Variants in SLC4A10 observed in about 807,000 individuals in gnomAD.
SLC4A10 encodes sodium-driven chloride bicarbonate exchanger.
A neutral mutation model predicts 137.7 loss-of-function variants in SLC4A10; 42 were observed. That is an observed-to-expected ratio of 0.30 (90% CI 0.24 to 0.39). The LOEUF (loss-of-function observed/expected upper bound fraction) is 0.39, where lower values mean the gene tolerates loss of function less well. SLC4A10 is among the 10% of genes least tolerant of loss of function. The probability of loss-of-function intolerance (pLI) is 1.00; values close to 1 mark genes in which losing one functional copy is unlikely to be tolerated. For missense variants in SLC4A10, 925 were observed against 1,355.0 expected (o/e 0.68, Z 4.98); for synonymous variants, 474 against 464.1 (o/e 1.02, Z -0.27).
chr2:161,632,068 G>A (rs796863639), intron 1 of SLC4A10, among the ~76,000 whole-genome samples: 82 of 151,760 alleles, frequency 5.4e-4, no homozygotes, highest in African/African-American at 1.7e-3. Flanking sequence ...ACATTTATTT[G>A]TAACTCCACT....
At chr2:161,764,145 G>C (rs970914323) in intron 1 of SLC4A10, among the ~76,000 whole-genome samples, 1 of 152,076 alleles carries the variant, frequency 6.6e-6, no homozygotes, top group South Asian at 2.1e-4. Context: ...GAATTATGGC[G>C]CATCCATACC....
At chr2:161,628,958 G>T (rs1445039551) in intron 1 of SLC4A10, among the ~76,000 whole-genome samples, 1 of 151,986 alleles carries the variant, frequency 6.6e-6, no homozygotes, top group Non-Finnish European at 1.5e-5. Context: ...CAGTCAGAGA[G>T]CATGGTCAGA....
intron 3 of SLC4A10, among the ~76,000 whole-genome samples, chr2:161,818,292 G>A (rs543073762): frequency 1.3e-5 from 2 of 152,042 alleles, no homozygotes; most frequent in South Asian, 2.1e-4. Flanking sequence ...GTCTGTTATT[G>A]GTGTATAAGA....
At chr2:161,969,050 A>C (rs1338525521) in intron 23 of SLC4A10, among the ~76,000 whole-genome samples, 2 of 152,196 alleles carry the variant, frequency 1.3e-5, no homozygotes, top group Non-Finnish European at 2.9e-5. Context: ...TAATTGAGTA[A>C]CTTTGATCAT....
intron 3 of SLC4A10, among the ~76,000 whole-genome samples, chr2:161,819,775 T>C (rs1462073271): frequency 1.3e-5 from 2 of 152,202 alleles, no homozygotes; most frequent in Non-Finnish European, 2.9e-5. Context: ...ATTACAGGAA[T>C]GAGCCACCGC....
Position 161,804,514 on chromosome 2 carries a change from A to G in SLC4A10, c.196A>G (p.Arg66Gly). Residue 66 changes from arginine (R) to glycine (G), a missense_variant, in exon 3 of 27, where the codon AGG becomes GGG. Transcript: ENST00000446997. Reference protein sequence around the residue: ...LGGRKSHRRHRHRGHKHRKRD... With the variant: ...LGGRKSHRRHGHRGHKHRKRD... ...AGGAAGAAAAAGCCATCGACGTCAC[A>G]GGCATCGTGGTCATAAACACAGAAA... is the stretch of plus-strand genomic sequence containing the variant. 6.2e-7 allele frequency: 1 copy of G among 1,613,226 alleles called. No individual in the cohort carries two copies. The highest frequency in any genetic ancestry group is 8.5e-7 in the Non-Finnish European group (1 of 1,179,426).
chr2:161,979,351 T>C (rs1239589032), intron 26 of SLC4A10, among the ~76,000 whole-genome samples: 2 of 152,228 alleles, frequency 1.3e-5, no homozygotes, highest in African/African-American at 2.4e-5. Context: ...AACAATATAA[T>C]GTGCTTTAAA....
chr2:161,767,916 C>T (rs2051100574), intron 1 of SLC4A10, among the ~76,000 whole-genome samples: 1 of 151,988 alleles, frequency 6.6e-6, no homozygotes, highest in African/African-American at 2.4e-5. Flanking sequence ...AACAACCCTT[C>T]CAATCTTCCC....
chr2:161,702,242 T>G (rs1198270540), intron 1 of SLC4A10, among the ~76,000 whole-genome samples: 1 of 151,888 alleles, frequency 6.6e-6, no homozygotes, highest in Non-Finnish European at 1.5e-5. Context: ...AATCCTGTCA[T>G]TTGCAGCAAC....
chr2:161,960,488 G>A (rs1696491875), intron 21 of SLC4A10, among the ~76,000 whole-genome samples: 1 of 151,936 alleles, frequency 6.6e-6, no homozygotes, highest in Admixed American at 6.6e-5. Context: ...GCCAGACCAA[G>A]GCGGGTGGAT....
Position 161,721,934 on chromosome 2 carries a change from T to A in SLC4A10, c.49-49039T>A, listed in dbSNP as rs768683895. Among the ~76,000 whole-genome samples, 3 of 152,334 alleles carry A rather than the reference T, an allele frequency of 2.0e-5. No individual in the cohort carries two copies. The South Asian group carries it at 6.2e-4, about 32-fold the overall frequency. The stretch of plus-strand genomic sequence containing the variant: ...TGTCGCCTGTCTTACTTCAGCAAGA[T>A]AGTCTTCAAGCTCTGAGATTCTTTT... On this transcript the variant is annotated intron_variant, in intron 1 of 26. Transcript: ENST00000446997.
intron 15 of SLC4A10, among the ~76,000 whole-genome samples, chr2:161,920,743 C>T (rs1687979264): frequency 1.3e-5 from 2 of 152,136 alleles, no homozygotes; most frequent in South Asian, 4.1e-4. Context: ...AAAAGAGCAA[C>T]CTACAAAACT....
chr2:161,638,644 C>T (rs1386301228), intron 1 of SLC4A10, among the ~76,000 whole-genome samples: 1 of 151,896 alleles, frequency 6.6e-6, no homozygotes, highest in Admixed American at 6.6e-5. Context: ...AAGATTTTTT[C>T]TGTTTTTGTG....
At chr2:161,953,892 A>G (rs1695222279) in intron 19 of SLC4A10, among the ~76,000 whole-genome samples, 1 of 152,224 alleles carries the variant, frequency 6.6e-6, no homozygotes, top group Non-Finnish European at 1.5e-5. Context: ...AGAGAAGTGG[A>G]TTAGGCATAA....
At chr2:161,705,087 AAGTAAACTTTAATAT>A (rs1188296246) in intron 1 of SLC4A10, among the ~76,000 whole-genome samples, 1 of 151,664 alleles carries the variant, frequency 6.6e-6, no homozygotes, top group Admixed American at 6.6e-5. Context: ...TTTATGATAA[AAGTAAACTTTAATAT>A]AGAAAACTTG....
chr2:161,928,649 C>CAAA (rs34327479), intron 15 of SLC4A10, among the ~76,000 whole-genome samples: 11 of 99,316 alleles, frequency 1.1e-4, no homozygotes, highest in South Asian at 6.4e-4. Flanking sequence ...TCCTTGAAAG[C>CAAA]AAAAAAAAAA....
chr2:161,841,298 G>A (rs1174339217), intron 4 of SLC4A10, among the ~76,000 whole-genome samples: 4 of 151,944 alleles, frequency 2.6e-5, no homozygotes, highest in East Asian at 1.9e-4. Context: ...GGCTGGTCTC[G>A]AACTCCTGAC....
chr2:161,815,148 A>G (rs1168827094), intron 3 of SLC4A10, among the ~76,000 whole-genome samples: 1 of 152,104 alleles, frequency 6.6e-6, no homozygotes, highest in African/African-American at 2.4e-5. Context: ...CCTGTACATT[A>G]AAAATATATT....
chr2:161,666,837 T>G (rs1301248611), intron 1 of SLC4A10, among the ~76,000 whole-genome samples: 1 of 57,288 alleles, frequency 1.7e-5, no homozygotes, highest in African/African-American at 4.4e-5. Context: ...CTGCTCATGT[T>G]AATGATTTTT....
Sources: gnomAD v4.1 joint callset for allele counts (sites outside exome capture counted in the v4.1 genomes callset) on GRCh38, gnomAD v4.1.1 for gene constraint, MANE v1.5 for transcripts, NCBI Gene and HGNC (gene_info 2026-07-23, HGNC 2026-07-21) for gene names.